SLC12A8: variants seen among roughly 807,000 people sequenced by gnomAD.
SLC12A8 encodes the protein cation-chloride cotransporter 9.
A neutral mutation model predicts 75.6 loss-of-function variants in SLC12A8; 69 were observed. That is an observed-to-expected ratio of 0.91 (90% CI 0.75 to 1.11). The LOEUF (loss-of-function observed/expected upper bound fraction) is 1.11. Ranked by LOEUF, SLC12A8 falls within the 50% of genes most tolerant of loss-of-function variation. The pLI, the probability that SLC12A8 is intolerant of heterozygous loss-of-function variation, is 0.00. For synonymous variants in SLC12A8, 365 were observed against 372.8 expected (o/e 0.98, Z 0.24); for missense variants, 877 against 896.7 (o/e 0.98, Z 0.28).
intron 5 of SLC12A8, among the ~76,000 whole-genome samples, chr3:125,161,464 A>C (rs631333): frequency 0.83 from 125,957 of 152,204 alleles, 52,206 homozygotes; most frequent in African/African-American, 0.86. Flanking sequence ...ACTGTTCATG[A>C]GTGTTTCACA....
chr3:125,201,293 C>T (rs1935114739), intron 2 of SLC12A8, among the ~76,000 whole-genome samples: 1 of 151,878 alleles, frequency 6.6e-6, no homozygotes, highest in African/African-American at 2.4e-5. Flanking sequence ...GTCCTAGCTA[C>T]TTGGGAGGCT....
intron 10 of SLC12A8, among the ~76,000 whole-genome samples, chr3:125,101,812 A>G (rs914272432): frequency 7.9e-5 from 12 of 152,246 alleles, no homozygotes; most frequent in Admixed American, 7.8e-4. Context: ...TAATAGTTTA[A>G]CTCTTTCTAT....
intron 6 of SLC12A8, among the ~76,000 whole-genome samples, chr3:125,124,727 A>G (rs1242840334): frequency 6.6e-6 from 1 of 152,208 alleles, no homozygotes; most frequent in Admixed American, 6.5e-5. Flanking sequence ...AGCTTCGGTG[A>G]ATTATAAATG....
Position 125,177,621 on chromosome 3 carries a change from C to T in SLC12A8, c.622+122G>A, listed in dbSNP as rs1254053950. Reference sequence around the variant, plus strand: ...GCTCACCTGATCCAGGAACAGCTCACACCAATTGTAGGTAAAGCCTATGGG... The same window carrying T: ...GCTCACCTGATCCAGGAACAGCTCATACCAATTGTAGGTAAAGCCTATGGG... On this transcript the variant is annotated intron_variant, in intron 5 of 13. Coordinates refer to ENST00000469902, the MANE Select transcript of SLC12A8 (RefSeq NM_024628.6). 7 of 664,590 alleles carry T rather than the reference C, an allele frequency of 1.1e-5. No individual in the cohort carries two copies. The East Asian group carries it at 1.9e-4, about 18-fold the overall frequency. 41.2% of individuals were successfully genotyped at this position (664,590 alleles called of 1,614,324 possible).
At chr3:125,129,648 C>G (rs1933304504) in intron 6 of SLC12A8, among the ~76,000 whole-genome samples, 1 of 152,200 alleles carries the variant, frequency 6.6e-6, no homozygotes, top group African/African-American at 2.4e-5. Context: ...TCAAAACTCT[C>G]TCCTCGCCAC....
At chr3:125,208,125 TCCA>T (rs1935260334) in intron 2 of SLC12A8, among the ~76,000 whole-genome samples, 1 of 152,214 alleles carries the variant, frequency 6.6e-6, no homozygotes, top group South Asian at 2.1e-4. Context: ...ACAAAGTGCC[TCCA>T]GACAGAGGCC....
chr3:125,179,281 A>G (rs1296157666), intron 4 of SLC12A8, among the ~76,000 whole-genome samples: 1 of 152,154 alleles, frequency 6.6e-6, no homozygotes, highest in Admixed American at 6.5e-5. Flanking sequence ...TCATGTCATG[A>G]ACGTAAGTTT....
intron 2 of SLC12A8, among the ~76,000 whole-genome samples, chr3:125,193,976 C>A (rs1934957237): frequency 6.6e-6 from 1 of 152,210 alleles, no homozygotes; most frequent in African/African-American, 2.4e-5. Flanking sequence ...TCCAGCATAA[C>A]ATGAATCCCA....
chr3:125,199,249 G>A (rs183654485), intron 2 of SLC12A8, among the ~76,000 whole-genome samples: 319 of 152,270 alleles, frequency 2.1e-3, no homozygotes, highest in Middle Eastern at 0.01. Context: ...CATATATATA[G>A]AGAAAATGGT....
chr3:125,115,688 C>A (rs577283367), intron 8 of SLC12A8, among the ~76,000 whole-genome samples: 8 of 152,154 alleles, frequency 5.3e-5, no homozygotes, highest in African/African-American at 9.7e-5. Flanking sequence ...GGGCAGCCTG[C>A]AGCCATTGAA....
chr3:125,164,354 G>A (rs1365899438), intron 5 of SLC12A8, among the ~76,000 whole-genome samples: 5 of 152,182 alleles, frequency 3.3e-5, no homozygotes, highest in African/African-American at 1.2e-4. Context: ...CTGTAAAACT[G>A]GAATAACCAT....
At chr3:125,111,764 G>A (rs1939193789) in intron 8 of SLC12A8, among the ~76,000 whole-genome samples, 1 of 152,068 alleles carries the variant, frequency 6.6e-6, no homozygotes, top group Non-Finnish European at 1.5e-5. Flanking sequence ...TTTGACTGAT[G>A]GATGAATCAG....
At chr3:125,141,294 T>C (rs816151) in intron 5 of SLC12A8, among the ~76,000 whole-genome samples, 24,993 of 152,182 alleles carry the variant, frequency 0.16, 2,438 homozygotes, top group South Asian at 0.3. Context: ...ATTCGGGTAA[T>C]TCAGGCTTCT....
rs774597357 is a variant in SLC12A8, at chr3:125,177,927, C to A, written c.438G>T (p.Ser146=). The change falls in exon 5 of 14, where the codon TCG becomes TCT. Residue 146 remains serine, a synonymous_variant. Coordinates refer to ENST00000469902, the MANE Select transcript of SLC12A8 (RefSeq NM_024628.6). ...AGATATTCCCGAGGCCCAGCAAATC[C>A]GAGATGGATTCAGCAAAGCCGGTGA... ...MYITGFAESI[S]DLLGLGNIWA... 5.6e-6 allele frequency: 9 copies of A among 1,614,016 alleles called. No individual in the cohort carries two copies. In the South Asian group the frequency reaches 8.8e-5, roughly 16 times the overall value.
intron 4 of SLC12A8, among the ~76,000 whole-genome samples, chr3:125,183,965 TTTA>T (rs59595900): frequency 2.0e-5 from 3 of 150,766 alleles, no homozygotes; most frequent in Admixed American, 6.6e-5. Flanking sequence ...TGTTTTACTT[TTTA>T]TTATTATTAT....
At chr3:125,126,792 G>A (rs1047596420) in intron 6 of SLC12A8, among the ~76,000 whole-genome samples, 1 of 151,700 alleles carries the variant, frequency 6.6e-6, no homozygotes, top group Non-Finnish European at 1.5e-5. Flanking sequence ...TAGCTTAATC[G>A]TTTCTCTGCT....
At chr3:125,157,899 A>C (rs114994349) in intron 5 of SLC12A8, among the ~76,000 whole-genome samples, 2,186 of 152,218 alleles carry the variant, frequency 0.014, 47 homozygotes, top group African/African-American at 0.05. Flanking sequence ...TGTATCCTCA[A>C]TTTCTAGCTT....
At chr3:125,158,100 TG>T (rs532685477) in intron 5 of SLC12A8, among the ~76,000 whole-genome samples, 64 of 152,228 alleles carry the variant, frequency 4.2e-4, no homozygotes, top group Non-Finnish European at 5.0e-4. Context: ...CAACTCACTG[TG>T]GAAAATCTTT....
At chr3:125,102,481 A>G (rs115065302) in intron 10 of SLC12A8, among the ~76,000 whole-genome samples, 2,930 of 152,280 alleles carry the variant, frequency 0.019, 97 homozygotes, top group African/African-American at 0.065. Flanking sequence ...TAAGAGAGAC[A>G]TGATGAGAGT....
Sources: allele counts gnomAD v4.1 joint callset (sites outside exome capture counted in the v4.1 genomes callset), GRCh38; gene constraint gnomAD v4.1.1; transcripts MANE v1.5; gene names NCBI Gene and HGNC (gene_info 2026-07-23, HGNC 2026-07-21).